Variants in LRIG1 observed in about 807,000 individuals in gnomAD.
The protein encoded by LRIG1 is leucine rich repeats and immunoglobulin like domains 1, also known as leucine-rich repeats and immunoglobulin-like domains protein 1.
LRIG1 carries 48 observed loss-of-function variants against 99.2 expected under a neutral mutation model. The observed-to-expected ratio is 0.48, with a 90% CI of 0.38 to 0.62. The LOEUF (loss-of-function observed/expected upper bound fraction) is 0.62, where lower values mean the gene tolerates loss of function less well. Ranked by LOEUF, LRIG1 falls within the 20% of genes least tolerant of loss-of-function variation. The probability of loss-of-function intolerance (pLI) is 0.00; values close to 1 mark genes in which losing one functional copy is unlikely to be tolerated. For synonymous variants in LRIG1, 772 were observed against 596.1 expected, an observed-to-expected ratio of 1.29 and a Z score of -4.30; for missense variants, 1,646 against 1,434.4, an observed-to-expected ratio of 1.15 and a Z score of -2.38.
At chr3:66,381,289 C>T (rs9877884) in intron 17 of LRIG1, among the ~76,000 whole-genome samples, 190 bp downstream of exon 17, 16,888 of 152,038 alleles carry the variant, frequency 0.11, 2,867 homozygotes, top group African/African-American at 0.37. Flanking sequence ...CTTACCATGG[C>T]GTAGATTTAT....
At chr3:66,441,619 C>T (rs971058085) in intron 3 of LRIG1, among the ~76,000 whole-genome samples, 1 of 152,214 alleles carries the variant, frequency 6.6e-6, no homozygotes, top group Non-Finnish European at 1.5e-5. Flanking sequence ...CGCAGCACCA[C>T]TTTGGGAGAT....
At chr3:66,401,387 C>A (rs1702048495) in intron 9 of LRIG1, among the ~76,000 whole-genome samples, 1 of 152,168 alleles carries the variant, frequency 6.6e-6, no homozygotes, top group South Asian at 2.1e-4. Context: ...TGCCCCAGGT[C>A]CCAGTAAAAA....
chr3:66,456,195 C>A (rs1349130462), intron 2 of LRIG1, among the ~76,000 whole-genome samples: 2 of 152,182 alleles, frequency 1.3e-5, no homozygotes, highest in African/African-American at 2.4e-5. Context: ...GTAAATAATA[C>A]AAGTGCCAGC....
At chr3:66,482,408 A>G (rs958135923) in intron 1 of LRIG1, among the ~76,000 whole-genome samples, 5 of 152,352 alleles carry the variant, frequency 3.3e-5, no homozygotes, top group Middle Eastern at 3.4e-3. Context: ...GAAAAAGGAA[A>G]TATCTGGGAG....
intron 6 of LRIG1, among the ~76,000 whole-genome samples, chr3:66,412,429 C>A (rs1702496102): frequency 6.6e-6 from 1 of 152,230 alleles, no homozygotes; most frequent in South Asian, 2.1e-4. Context: ...GGCCCCCAAA[C>A]TCCATCTCCA....
chr3:66,425,080 T>C (rs552253357), intron 3 of LRIG1, among the ~76,000 whole-genome samples: 9 of 152,302 alleles, frequency 5.9e-5, no homozygotes, highest in South Asian at 4.1e-4. Flanking sequence ...ACTTAGGCAA[T>C]TGAAGAAATT....
chr3:66,380,189 C>G lies in LRIG1; in HGVS notation c.*74G>C. 3 of 1,296,478 alleles carry G rather than the reference C, an allele frequency of 2.3e-6. No individual in the cohort carries two copies. The highest frequency in any genetic ancestry group is 3.2e-6 in the Non-Finnish European group (3 of 934,510). The allele number at this position is 1,296,478 out of a possible 1,614,324, so 80.3% of individuals were successfully genotyped here. A position where few individuals can be genotyped will look rare whatever the true frequency, so the allele number is the denominator to read the frequency against. On this transcript the variant is annotated 3_prime_UTR_variant, in exon 19 of 19. Coordinates refer to ENST00000273261, the MANE Select transcript of LRIG1 (RefSeq NM_015541.3). ...TGTACAGATGAGTGACGCTTGAACC[C>G]AAGCTTCCTCGCAGCCTCTCCTACC...
chr3:66,400,549 G>A (rs1431723046), intron 9 of LRIG1, among the ~76,000 whole-genome samples: 2 of 152,090 alleles, frequency 1.3e-5, no homozygotes, highest in African/African-American at 4.8e-5. Context: ...CAGGTGGGCA[G>A]GAGAGGAAGC....
At chr3:66,458,635 G>C (rs1353981113) in intron 2 of LRIG1, among the ~76,000 whole-genome samples, 2 of 152,120 alleles carry the variant, frequency 1.3e-5, no homozygotes, top group African/African-American at 4.8e-5. Flanking sequence ...CCAGGAGGTG[G>C]AGGCTGCAAT....
rs948375833 is a variant in LRIG1, at chr3:66,386,388, A to G, written c.1469-87T>C. 7 of 1,150,248 alleles carry G rather than the reference A, an allele frequency of 6.1e-6. No individual in the cohort carries two copies. The South Asian group carries it at 7.2e-5, about 12-fold the overall frequency. The allele number at this position is 1,150,248 out of a possible 1,614,324, so 71.3% of individuals were successfully genotyped here. ...TGTTCATGCTAACAGAAACTGACAC[A>G]GACACCAAGCAGGAACCAGAGCTTG... On this transcript the variant is annotated intron_variant, in intron 12 of 18. Coordinates refer to ENST00000273261, the MANE Select transcript of LRIG1 (RefSeq NM_015541.3).
At chr3:66,415,684 G>C (rs1702597814) in intron 4 of LRIG1, among the ~76,000 whole-genome samples, 1 of 152,152 alleles carries the variant, frequency 6.6e-6, no homozygotes, top group East Asian at 1.9e-4. Context: ...TTAAGTCGGG[G>C]CATCTCCCGT....
intron 3 of LRIG1, among the ~76,000 whole-genome samples, chr3:66,441,231 A>T (rs1703528325): frequency 6.6e-6 from 1 of 152,186 alleles, no homozygotes; most frequent in Non-Finnish European, 1.5e-5. Flanking sequence ...GAAGAAAAAA[A>T]ACCACAAACT....
At chr3:66,461,480 A>T (rs1177686752) in intron 2 of LRIG1, among the ~76,000 whole-genome samples, 1 of 152,246 alleles carries the variant, frequency 6.6e-6, no homozygotes, top group East Asian at 1.9e-4. Context: ...AAAACAGGAC[A>T]TTCAAAAACT....
intron 1 of LRIG1, among the ~76,000 whole-genome samples, chr3:66,462,739 A>G (rs1241632967): frequency 6.6e-6 from 1 of 152,134 alleles, no homozygotes; most frequent in Non-Finnish European, 1.5e-5. Flanking sequence ...ACGAATTTCT[A>G]TCAGTATCAT....
chr3:66,398,368 C>G (rs965777827), intron 10 of LRIG1, among the ~76,000 whole-genome samples, 185 bp from the exon 11 acceptor site: 9 of 152,228 alleles, frequency 5.9e-5, no homozygotes, highest in Admixed American at 1.3e-4. Context: ...GCCAAGCCAG[C>G]CTTAGGGCAC....
At chr3:66,393,630 C>T (rs1242302349) in intron 12 of LRIG1, among the ~76,000 whole-genome samples, 1 of 152,218 alleles carries the variant, frequency 6.6e-6, no homozygotes, top group Non-Finnish European at 1.5e-5. Flanking sequence ...AGCAACTGTT[C>T]TCCTGAGACT....
intron 1 of LRIG1, among the ~76,000 whole-genome samples, chr3:66,467,765 A>C (rs1321977488): frequency 6.6e-6 from 1 of 152,252 alleles, no homozygotes. Context: ...AATTTCTATT[A>C]AACTGTGCTG....
chr3:66,389,542 A>AAAAT (rs1402230042), intron 12 of LRIG1, among the ~76,000 whole-genome samples: 1 of 152,192 alleles, frequency 6.6e-6, no homozygotes, highest in African/African-American at 2.4e-5. Flanking sequence ...ACTAACAGAC[A>AAAAT]AAATAGGCTT....
chr3:66,499,594 T>C (rs1701307412), intron 1 of LRIG1, among the ~76,000 whole-genome samples: 1 of 152,112 alleles, frequency 6.6e-6, no homozygotes, highest in Admixed American at 6.5e-5. Flanking sequence ...AAGACTGCCT[T>C]CTGCCCCGCA....
Sources: allele counts gnomAD v4.1 joint callset (sites outside exome capture counted in the v4.1 genomes callset), GRCh38; gene constraint gnomAD v4.1.1; transcripts MANE v1.5; gene names NCBI Gene and HGNC (gene_info 2026-07-23, HGNC 2026-07-21).